Variants in PTPRM observed in about 807,000 individuals in gnomAD.
PTPRM encodes protein tyrosine phosphatase receptor type M.
A neutral mutation model predicts 186.7 loss-of-function variants in PTPRM; 47 were observed. The observed-to-expected ratio is 0.25, with a 90% CI of 0.20 to 0.32. The LOEUF (loss-of-function observed/expected upper bound fraction) is 0.32. PTPRM is among the 10% of genes least tolerant of loss of function. The pLI is 1.00. For missense variants in PTPRM, 1,494 were observed against 1,865.0 expected (o/e 0.80, Z 3.66); for synonymous variants, 668 against 674.9 (o/e 0.99, Z 0.16).
chr18:7,704,582 T>C (rs967312159), intron 1 of PTPRM, among the ~76,000 whole-genome samples: 2 of 152,114 alleles, frequency 1.3e-5, no homozygotes, highest in African/African-American at 4.8e-5. Flanking sequence ...GTCTGGCTAG[T>C]GGTCTCTCTA....
chr18:8,027,980 C>T (rs2148026747), intron 7 of PTPRM, among the ~76,000 whole-genome samples: 1 of 152,046 alleles, frequency 6.6e-6, no homozygotes, highest in Admixed American at 6.6e-5. Flanking sequence ...TGTCTTTATG[C>T]ACATGGCCGT....
intron 19 of PTPRM, among the ~76,000 whole-genome samples, chr18:8,267,836 G>GAA (rs11393735): frequency 1.1e-4 from 16 of 152,092 alleles, no homozygotes; most frequent in South Asian, 6.2e-4. Flanking sequence ...TTTGATGAGT[G>GAA]AAAAAAGATT....
intron 6 of PTPRM, among the ~76,000 whole-genome samples, chr18:7,950,142 T>A (rs184811041): frequency 3.2e-3 from 487 of 152,308 alleles, no homozygotes; most frequent in African/African-American, 0.011. Context: ...ATAAAATTGA[T>A]CTCTCTACAT....
At chr18:7,957,629 ATGTTAGG>A (rs1304490742) in intron 7 of PTPRM, among the ~76,000 whole-genome samples, 1 of 152,222 alleles carries the variant, frequency 6.6e-6, no homozygotes, top group Non-Finnish European at 1.5e-5. Context: ...AGGGGAAGGC[ATGTTAGG>A]TGGGTGAGGA....
rs183856407 is a variant in PTPRM at position 7,704,097 on chromosome 18, G to A, written c.74-70052G>A. Among the ~76,000 whole-genome samples, 582 of 152,184 alleles carry A rather than the reference G, an allele frequency of 3.8e-3. 8 individuals carry two copies. Among genetic ancestry groups the A allele is most frequent in the African/African-American group, 0.014 (561 of 41,512 alleles). Reference sequence around the variant, plus strand: ...CGTCAGTATTTTATTGAGGATTTTCGCATCGACGTTCATCAGGCATATTGG... The same window carrying A: ...CGTCAGTATTTTATTGAGGATTTTCACATCGACGTTCATCAGGCATATTGG... On this transcript the variant is annotated intron_variant, in intron 1 of 32. Coordinates refer to ENST00000580170, the MANE Select transcript of PTPRM (RefSeq NM_001105244.2).
At position 8,289,567 on chromosome 18, in the gene PTPRM, T is replaced by TATATATAC. The variant is rs1568675216; in HGVS notation, c.2755-6794_2755-6793insCATATATA. 4.9e-5 allele frequency among the ~76,000 whole-genome samples: 6 copies of TATATATAC among 123,690 alleles called. No individual in the cohort carries two copies. The South Asian group carries it at 8.5e-4, about 18-fold the overall frequency. The allele number at this position is 123,690 out of a possible 152,430, so 81.1% of individuals were successfully genotyped here. A position where few individuals can be genotyped will look rare whatever the true frequency, so the allele number is the denominator to read the frequency against. On this transcript the variant is annotated intron_variant, in intron 19 of 32. Coordinates refer to ENST00000580170, the MANE Select transcript of PTPRM (RefSeq NM_001105244.2). ...ATATATATACATATATATACACATA[T>TATATATAC]ATATATATACATATATATATACACA...
chr18:7,860,718 A>G (rs537430722), intron 2 of PTPRM, among the ~76,000 whole-genome samples: 3 of 152,354 alleles, frequency 2.0e-5, no homozygotes, highest in Admixed American at 2.0e-4. Context: ...ATGCAGGGAA[A>G]TAATCTTAGA....
chr18:8,211,377 CTTTT>C (rs970926126), intron 14 of PTPRM, among the ~76,000 whole-genome samples: 4 of 87,234 alleles, frequency 4.6e-5, no homozygotes, highest in Admixed American at 1.3e-4. Context: ...GTCTCTTCTT[CTTTT>C]TTTTTTTTTT....
chr18:8,230,043 A>G (rs1232706290), intron 14 of PTPRM, among the ~76,000 whole-genome samples: 1 of 152,152 alleles, frequency 6.6e-6, no homozygotes, highest in Non-Finnish European at 1.5e-5. Flanking sequence ...CCCGTTTCTC[A>G]CTTGGTGAGG....
rs1412437272 is a variant in PTPRM, at chr18:8,344,446, G to GTATATATATA, written c.3054+927_3054+928insATATATATAT. Among the ~76,000 whole-genome samples, 10 of 16,616 alleles carry GTATATATATA rather than the reference G, an allele frequency of 6.0e-4. 1 individual carries two copies. The highest frequency in any genetic ancestry group is 6.0e-3 in the South Asian group (2 of 334). The allele number at this position is 16,616 out of a possible 152,430, so 10.9% of individuals were successfully genotyped here. A position where few individuals can be genotyped will look rare whatever the true frequency, so the allele number is the denominator to read the frequency against. Reference sequence around the variant, plus strand: ...GATATATATATGTGTGTGTGTGTGTGTGTATATATATATATATATATATAT... The same window carrying GTATATATATA: ...GATATATATATGTGTGTGTGTGTGTGTATATATATATGTATATATATATATATATATATAT... On this transcript the variant is annotated intron_variant, in intron 23 of 32. Coordinates refer to ENST00000580170, the MANE Select transcript of PTPRM (RefSeq NM_001105244.2).
rs558278935 is a variant in PTPRM, at chr18:8,136,444, G to T, written c.2168-7203G>T. On this transcript the variant is annotated intron_variant, in intron 13 of 32. Transcript: ENST00000580170. ...GTCAGCCACATCAATAAATGAGGCA[G>T]TAACTGTCATGAAATTAGAACAAAA... 2.3e-4 allele frequency among the ~76,000 whole-genome samples: 35 copies of T among 152,268 alleles called. 1 individual carries two copies. In the South Asian group the frequency reaches 7.0e-3, roughly 31 times the overall value.
chr18:7,738,687 C>T (rs2040825795), intron 1 of PTPRM, among the ~76,000 whole-genome samples: 4 of 151,864 alleles, frequency 2.6e-5, no homozygotes, highest in South Asian at 4.2e-4. Context: ...GAGATCCACC[C>T]GCCTCGGCCT....
At chr18:8,282,102 G>T (rs2094910124) in intron 19 of PTPRM, among the ~76,000 whole-genome samples, 1 of 152,008 alleles carries the variant, frequency 6.6e-6, no homozygotes, top group Non-Finnish European at 1.5e-5. Context: ...AATCCAATTA[G>T]AAAATGGGCA....
intron 3 of PTPRM, among the ~76,000 whole-genome samples, chr18:7,892,171 T>C (rs1478131649): frequency 2.0e-5 from 3 of 152,152 alleles, no homozygotes; most frequent in Non-Finnish European, 4.4e-5. Context: ...GAGTTTCTTC[T>C]CTTGGGCCTT....
chr18:7,684,711 A>G (rs1018798270), intron 1 of PTPRM, among the ~76,000 whole-genome samples: 2 of 152,208 alleles, frequency 1.3e-5, no homozygotes, highest in Non-Finnish European at 2.9e-5. Flanking sequence ...AATACATTGT[A>G]TGTATATGAC....
intron 14 of PTPRM, among the ~76,000 whole-genome samples, chr18:8,217,020 T>G (rs1324600328): frequency 6.6e-5 from 10 of 152,234 alleles, no homozygotes; most frequent in African/African-American, 2.4e-4. Flanking sequence ...TCTTAGTCCA[T>G]TTTGAAACCC....
At chr18:8,211,324 G>A (rs1209509370) in intron 14 of PTPRM, among the ~76,000 whole-genome samples, 1 of 151,196 alleles carries the variant, frequency 6.6e-6, no homozygotes, top group Non-Finnish European at 1.5e-5. Context: ...TCAGAACAGG[G>A]TGGAAGGTGG....
At chr18:8,266,855 C>T (rs2094706979) in intron 19 of PTPRM, among the ~76,000 whole-genome samples, 1 of 152,090 alleles carries the variant, frequency 6.6e-6, no homozygotes, top group Non-Finnish European at 1.5e-5. Flanking sequence ...TTGCAGTGAG[C>T]CGAGATCATA....
chr18:8,238,516 T>G (rs2094373385), intron 14 of PTPRM, among the ~76,000 whole-genome samples: 1 of 152,142 alleles, frequency 6.6e-6, no homozygotes, highest in Admixed American at 6.5e-5. Context: ...TGCTATCTAC[T>G]TTATCAATTA....
Sources: allele counts gnomAD v4.1 joint callset (sites outside exome capture counted in the v4.1 genomes callset), GRCh38; gene constraint gnomAD v4.1.1; transcripts MANE v1.5; gene names NCBI Gene and HGNC (gene_info 2026-07-23, HGNC 2026-07-21).